The following CNTNAP2 variants were observed in gnomAD, a reference collection of about 807,000 sequenced individuals.
The protein encoded by CNTNAP2 is contactin-associated protein-like 2.
Under a neutral mutation model 155.2 loss-of-function variants are expected in CNTNAP2, and 98 were observed. The observed-to-expected ratio is 0.63, with a 90% CI of 0.54 to 0.75. CNTNAP2 has a LOEUF of 0.75. Among genes scored for constraint, CNTNAP2 ranks in the 30% least tolerant of loss-of-function variants. The pLI is 0.00. For missense variants in CNTNAP2, 1,727 were observed against 1,688.1 expected (o/e 1.02, Z -0.40); for synonymous variants, 651 against 631.2 (o/e 1.03, Z -0.47).
chr7:146,464,643 G>A (rs116593849), intron 1 of CNTNAP2, among the ~76,000 whole-genome samples: 467 of 151,978 alleles, frequency 3.1e-3, no homozygotes, highest in African/African-American at 7.8e-3. Flanking sequence ...TTCACTATTT[G>A]CGAACTTATC....
rs548930901 is a variant in CNTNAP2 at position 147,733,653 on chromosome 7, A to T, written c.2098+94347A>T. Among the ~76,000 whole-genome samples, 29 of 152,330 alleles carry T rather than the reference A, an allele frequency of 1.9e-4. No individual in the cohort carries two copies. In the East Asian group the frequency reaches 4.2e-3, roughly 22 times the overall value. ...ATATTGATTCTTCCTACCCATGAGC[A>T]TGGAATGTTCTTCCATTTGTTTGTA... On this transcript the variant is annotated intron_variant, in intron 13 of 23. Transcript: ENST00000361727.
chr7:148,171,400 C>T (rs1269285334), intron 17 of CNTNAP2, among the ~76,000 whole-genome samples: 3 of 152,102 alleles, frequency 2.0e-5, no homozygotes. Context: ...AATTTGAGTT[C>T]GTCCTTTTAT....
chr7:148,270,692 A>G (rs547734917), intron 21 of CNTNAP2, among the ~76,000 whole-genome samples: 1 of 152,382 alleles, frequency 6.6e-6, no homozygotes, highest in East Asian at 1.9e-4. Flanking sequence ...TAAGATTCGC[A>G]CAGAGGTGAG....
At chr7:146,589,702 C>T (rs1798751944) in intron 1 of CNTNAP2, among the ~76,000 whole-genome samples, 1 of 150,896 alleles carries the variant, frequency 6.6e-6, no homozygotes. Context: ...ACTTATGTAA[C>T]AAACCTGCAC....
At chr7:146,257,173 T>A (rs1306129770) in intron 1 of CNTNAP2, among the ~76,000 whole-genome samples, 3 of 152,192 alleles carry the variant, frequency 2.0e-5, no homozygotes, top group Non-Finnish European at 4.4e-5. Flanking sequence ...TATTCTGCTG[T>A]AAGAGAGTGA....
At chr7:147,591,145 T>A (rs1298031048) in intron 12 of CNTNAP2, among the ~76,000 whole-genome samples, 2 of 152,252 alleles carry the variant, frequency 1.3e-5, no homozygotes, top group Non-Finnish European at 2.9e-5. Context: ...AGCATCAATT[T>A]ACTAAACAAG....
chr7:146,349,622 A>G (rs1426790709), intron 1 of CNTNAP2, among the ~76,000 whole-genome samples: 1 of 151,776 alleles, frequency 6.6e-6, no homozygotes, highest in East Asian at 1.9e-4. Context: ...GTTCCTTTCT[A>G]TGTTTAGTGC....
chr7:147,915,686 C>T (rs1800146517), intron 14 of CNTNAP2, among the ~76,000 whole-genome samples: 1 of 140,196 alleles, frequency 7.1e-6, no homozygotes. Context: ...TGTTCATTTT[C>T]ATTCAGTTAA....
At chr7:146,792,152 A>G (rs1802686167) in intron 2 of CNTNAP2, among the ~76,000 whole-genome samples, 1 of 152,152 alleles carries the variant, frequency 6.6e-6, no homozygotes, top group African/African-American at 2.4e-5. Context: ...TTAGACATTC[A>G]TTATTCATAA....
At chr7:148,017,330 T>C (rs938163543) in intron 15 of CNTNAP2, among the ~76,000 whole-genome samples, 2 of 152,232 alleles carry the variant, frequency 1.3e-5, no homozygotes, top group African/African-American at 4.8e-5. Context: ...TCTGATAAAC[T>C]ACATTTTAGT....
At chr7:147,502,739 G>GTATATATATA (rs36141642) in intron 11 of CNTNAP2, among the ~76,000 whole-genome samples, 11 of 83,034 alleles carry the variant, frequency 1.3e-4, no homozygotes, top group Non-Finnish European at 2.3e-4. Flanking sequence ...GTGTGTGTGT[G>GTATATATATA]TGTATATATA....
intron 8 of CNTNAP2, among the ~76,000 whole-genome samples, chr7:147,176,258 A>G (rs560161201): frequency 3.9e-5 from 6 of 152,314 alleles, no homozygotes; most frequent in African/African-American, 1.4e-4. Context: ...GAAAATAAGC[A>G]TTTTTCAAAA....
chr7:147,666,946 G>A (rs890432501), intron 13 of CNTNAP2, among the ~76,000 whole-genome samples: 1 of 152,160 alleles, frequency 6.6e-6, no homozygotes, highest in African/African-American at 2.4e-5. Context: ...AACAGTTCAG[G>A]AAGAGCCTAT....
chr7:147,804,988 C>A (rs1201856677), intron 13 of CNTNAP2, among the ~76,000 whole-genome samples: 3 of 152,160 alleles, frequency 2.0e-5, no homozygotes, highest in African/African-American at 7.2e-5. Context: ...TCCTCTGAGG[C>A]AGAATAGAAA....
At chr7:148,246,108 C>A (rs765360812) in intron 20 of CNTNAP2, among the ~76,000 whole-genome samples, 2 of 152,222 alleles carry the variant, frequency 1.3e-5, no homozygotes, top group African/African-American at 2.4e-5. Flanking sequence ...TCCTGATACA[C>A]CTTTCTGCTC....
intron 1 of CNTNAP2, among the ~76,000 whole-genome samples, chr7:146,431,133 G>C (rs1275590110): frequency 1.3e-5 from 2 of 151,988 alleles, no homozygotes. Flanking sequence ...AGTTAGGTCT[G>C]ATAGCACCTA....
intron 15 of CNTNAP2, among the ~76,000 whole-genome samples, chr7:148,058,107 A>G (rs931382573): frequency 6.6e-6 from 1 of 152,072 alleles, no homozygotes; most frequent in African/African-American, 2.4e-5. Context: ...CTAGCTATTC[A>G]CAAACAAGTC....
At chr7:148,321,967 G>A (rs1201882595) in intron 21 of CNTNAP2, among the ~76,000 whole-genome samples, 1 of 150,670 alleles carries the variant, frequency 6.6e-6, no homozygotes. Flanking sequence ...GCAATGGCGT[G>A]ATCTCAGCTC....
At chr7:147,819,990 T>C (rs1310721129) in intron 13 of CNTNAP2, among the ~76,000 whole-genome samples, 2 of 152,184 alleles carry the variant, frequency 1.3e-5, no homozygotes, top group Non-Finnish European at 2.9e-5. Flanking sequence ...AATCTTTTTA[T>C]AGATCTATTT....
Sources: allele counts gnomAD v4.1 joint callset (sites outside exome capture counted in the v4.1 genomes callset), GRCh38; gene constraint gnomAD v4.1.1; transcripts MANE v1.5; gene names NCBI Gene and HGNC (gene_info 2026-07-23, HGNC 2026-07-21).